The following SPG11 variants were observed in gnomAD, a reference collection of about 807,000 sequenced individuals.
SPG11 encodes the protein SPG11 vesicle trafficking associated, spatacsin, also known as spatacsin.
A neutral mutation model predicts 274.0 loss-of-function variants in SPG11; 222 were observed. That is an observed-to-expected ratio of 0.81 (90% CI 0.73 to 0.91). SPG11 has a LOEUF of 0.91. Ranked by LOEUF, SPG11 falls within the 40% of genes least tolerant of loss-of-function variation. The probability of loss-of-function intolerance (pLI) is 0.00; values close to 1 mark genes in which losing one functional copy is unlikely to be tolerated. For missense variants in SPG11, 3,114 were observed against 2,872.7 expected (o/e 1.08, Z -1.92); for synonymous variants, 1,144 against 1,039.7 (o/e 1.10, Z -1.93).
At chr15:44,567,078 A>G (rs1463756226) in intron 36 of SPG11, among the ~76,000 whole-genome samples, 1 of 149,398 alleles carries the variant, frequency 6.7e-6, no homozygotes, top group Non-Finnish European at 1.5e-5. Context: ...AGGGCCGGGC[A>G]TGGTGGCTCA....
chr15:44,604,256 T>C, intron 20 of SPG11: 1 of 354,314 alleles, frequency 2.8e-6, no homozygotes, highest in South Asian at 2.0e-5. Flanking sequence ...ACAAAGGTCT[T>C]ACCTGAAAGT....
At chr15:44,617,382 T>G (rs962701359) in intron 15 of SPG11, among the ~76,000 whole-genome samples, 1 of 152,244 alleles carries the variant, frequency 6.6e-6, no homozygotes, top group East Asian at 1.9e-4. Context: ...TACCCAGAAT[T>G]GATGTAATGT....
In SPG11 at chr15:44,595,389, G is replaced by A. The variant is rs1269737247; in HGVS notation, c.4505C>T (p.Ala1502Val). Reference sequence around the variant, plus strand: ...TGTTGAGTCCTGAATGTGTCCCATTGCTTCAGTTGCAACATTGTCCTCCAC... The same window carrying A: ...TGTTGAGTCCTGAATGTGTCCCATTACTTCAGTTGCAACATTGTCCTCCAC... ...TSVEDNVATEAMGHIQDSTED... is the reference protein window; with the variant it reads ...TSVEDNVATEVMGHIQDSTED... The change falls in exon 26 of 40, where the codon GCA (alanine) becomes GTA (valine). Residue 1502 changes from alanine (A) to valine (V), a missense_variant. Ala to Val is a moderately conservative substitution (Grantham distance 64, BLOSUM62 0). Coordinates refer to ENST00000261866, the MANE Select transcript of SPG11 (RefSeq NM_025137.4). 1.2e-6 allele frequency: 2 copies of A among 1,614,066 alleles called. No individual in the cohort carries two copies. Among genetic ancestry groups the A allele is most frequent in the Non-Finnish European group, 1.7e-6 (2 of 1,180,036 alleles).
chr15:44,567,105 A>T (rs1166664730), intron 36 of SPG11, among the ~76,000 whole-genome samples: 1 of 151,860 alleles, frequency 6.6e-6, no homozygotes, highest in Non-Finnish European at 1.5e-5. Flanking sequence ...TAATCCCAGC[A>T]CTTTGGGAGG....
intron 36 of SPG11, among the ~76,000 whole-genome samples, chr15:44,567,020 A>T (rs2082323776): frequency 6.6e-6 from 1 of 151,876 alleles, no homozygotes; most frequent in Non-Finnish European, 1.5e-5. Flanking sequence ...TCAAGATTCT[A>T]ATAGCCCATC....
In SPG11 at chr15:44,575,013, C is replaced by T; in HGVS notation, c.5895G>A (p.Val1965=). The part of the protein sequence containing the change: ...STSSLDSQKF[V]TVPSSNEVVT... ...CCACTTCATTACTGGAGGGCACTGTCACAAACTTCTGACTATCCAGACTTG... is the reference window on the plus strand; with the variant it reads ...CCACTTCATTACTGGAGGGCACTGTTACAAACTTCTGACTATCCAGACTTG... Residue 1965 remains valine, a synonymous_variant, in exon 31 of 40, where the codon GTG becomes GTA. Coordinates refer to ENST00000261866, the MANE Select transcript of SPG11 (RefSeq NM_025137.4). 1 of 1,614,064 alleles carries T rather than the reference C, an allele frequency of 6.2e-7. No homozygotes were observed. The highest frequency in any genetic ancestry group is 1.7e-5 in the Admixed American group (1 of 60,016).
chr15:44,651,151 A>C (rs895394353), intron 6 of SPG11, among the ~76,000 whole-genome samples: 3 of 152,210 alleles, frequency 2.0e-5, no homozygotes, highest in Admixed American at 6.5e-5. Flanking sequence ...GTGCAAGCCA[A>C]GCAAAATAAA....
chr15:44,572,382 G>A, intron 33 of SPG11: 1 of 383,974 alleles, frequency 2.6e-6, no homozygotes, highest in South Asian at 2.3e-5. Flanking sequence ...CTTTCCTAAG[G>A]TAAAGTTTGT....
rs1216695015 is a variant in SPG11, at chr15:44,600,484, G to C, written c.3669C>G (p.Ser1223Arg). The C allele has an allele frequency of 2.5e-6, 4 of 1,613,912 alleles. No individual in the cohort carries two copies. The East Asian group carries it at 8.9e-5, about 36-fold the overall frequency. ...GTFLVQELIK[S>R]KTPKQLIQQV... ...ATACTCACAGCTGCTTGGGAGTCTT[G>C]CTCTTGATTAATTCCTGGACCAGAA... The change falls in exon 21 of 40, where the codon AGC (serine) becomes AGG (arginine). Residue 1223 changes from serine (S) to arginine (R), a missense_variant. Ser to Arg is a moderately radical substitution (Grantham distance 110). Coordinates refer to ENST00000261866, the MANE Select transcript of SPG11 (RefSeq NM_025137.4).
intron 38 of SPG11, among the ~76,000 whole-genome samples, chr15:44,565,145 C>G (rs1456590400): frequency 6.6e-6 from 1 of 152,226 alleles, no homozygotes; most frequent in East Asian, 1.9e-4. Flanking sequence ...TGATAATCCA[C>G]TTCTTTAAAG....
At chr15:44,648,512 CAAAAAAAAAA>C (rs57643988) in intron 7 of SPG11, among the ~76,000 whole-genome samples, 11 of 54,180 alleles carry the variant, frequency 2.0e-4, no homozygotes, top group Admixed American at 4.1e-4. Context: ...CACCCTGTGT[CAAAAAAAAAA>C]AAAAAAAAAA....
chr15:44,572,664 A>G lies in SPG11; in HGVS notation c.6343+19T>C. Reference sequence around the variant, plus strand: ...CCTGTTTAGGGCCAAAATATGTAAGAAAAAGGTCAATAACTTACTGCAAGA... The same window carrying G: ...CCTGTTTAGGGCCAAAATATGTAAGGAAAAGGTCAATAACTTACTGCAAGA... On this transcript the variant is annotated intron_variant, in intron 33 of 39. Coordinates refer to ENST00000261866, the MANE Select transcript of SPG11 (RefSeq NM_025137.4). 1 of 1,613,764 alleles carries G rather than the reference A, an allele frequency of 6.2e-7. No homozygotes were observed. Among genetic ancestry groups the G allele is most frequent in the Non-Finnish European group, 8.5e-7 (1 of 1,179,822 alleles).
chr15:44,606,612 G>T (rs575410671), intron 19 of SPG11, among the ~76,000 whole-genome samples: 1 of 152,144 alleles, frequency 6.6e-6, no homozygotes, highest in Admixed American at 6.5e-5. Flanking sequence ...TCTGGCAGCA[G>T]CAAGTAGTGG....
intron 4 of SPG11, among the ~76,000 whole-genome samples, chr15:44,656,733 T>C (rs891869548): frequency 2.6e-5 from 4 of 152,176 alleles, no homozygotes; most frequent in Admixed American, 2.6e-4. Context: ...AATCATGAAC[T>C]TGGGTTCTCA....
At position 44,584,043 on chromosome 15, in the gene SPG11, G is replaced by C. The variant is rs1595842905; in HGVS notation, c.5637C>G (p.Asn1879Lys). The C allele has an allele frequency of 1.2e-6, 2 of 1,614,066 alleles. No individual in the cohort carries two copies. Among genetic ancestry groups the C allele is most frequent in the African/African-American group, 2.7e-5 (2 of 74,918 alleles). The change falls in exon 30 of 40, where the codon AAC becomes AAG. Residue 1879 changes from asparagine to lysine, a missense_variant. By Grantham distance (94) the Asn-to-Lys change is moderately conservative. Coordinates refer to ENST00000261866, the MANE Select transcript of SPG11 (RefSeq NM_025137.4). ...RLDWKEQESL[N>K]FLIGRLLDDG... is the part of the protein sequence containing the mutation. The stretch of plus-strand genomic sequence containing the variant: ...CATCCAGTAGGCGCCCAATCAAAAA[G>C]TTTAGTGACTCCTGCTCTTTCCAAT...
intron 7 of SPG11, among the ~76,000 whole-genome samples, chr15:44,646,265 AGT>A (rs2084607439): frequency 6.6e-6 from 1 of 152,162 alleles, no homozygotes; most frequent in Non-Finnish European, 1.5e-5. Context: ...TTGGCAAACT[AGT>A]GTATTAGTAG....
At position 44,662,650 on chromosome 15, in the gene SPG11, T is replaced by TAAA. The variant is rs527806518; in HGVS notation, c.257+738_257+740dup. On this transcript the variant is annotated intron_variant, in intron 1 of 39. Transcript: ENST00000261866. Reference sequence around the variant, plus strand: ...GCCTGGGCGACAGCGACCTTATCTTTAAAAAAAAAAAAAAAAAAAAAAAAG... The same window carrying TAAA: ...GCCTGGGCGACAGCGACCTTATCTTTAAAAAAAAAAAAAAAAAAAAAAAAAAAG... Among the ~76,000 whole-genome samples the TAAA allele has an allele frequency of 3.2e-3, 289 of 91,128 alleles. 3 individuals carry two copies. The highest frequency in any genetic ancestry group is 0.012 in the African/African-American group (270 of 23,384). The allele number at this position is 91,128 out of a possible 152,430, so 59.8% of individuals were successfully genotyped here.
chr15:44,651,524 T>G lies in SPG11; in HGVS notation c.1423A>C (p.Ser475Arg). The change falls in exon 6 of 40, where the codon AGT becomes CGT. Residue 475 changes from serine to arginine, a missense_variant. Transcript: ENST00000261866. ...LGTKCIPVDS[S>R]GDQQLCFVLT... ...ACAAAGCACAGCTGCTGGTCTCCAC[T>G]ACTGTCTACAGGAATACACTTTGTG... The G allele has an allele frequency of 1.9e-6, 3 of 1,614,198 alleles. No homozygotes were observed. In the South Asian group the frequency reaches 3.3e-5, roughly 18 times the overall value.
intron 8 of SPG11, among the ~76,000 whole-genome samples, chr15:44,630,300 G>T (rs898297199): frequency 2.0e-5 from 3 of 152,166 alleles, no homozygotes; most frequent in Non-Finnish European, 1.5e-5. Context: ...CCCCCTAGGG[G>T]AGCAGGTAAG....
Sources: gnomAD v4.1 joint callset for allele counts (sites outside exome capture counted in the v4.1 genomes callset) on GRCh38, gnomAD v4.1.1 for gene constraint, MANE v1.5 for transcripts, NCBI Gene and HGNC (gene_info 2026-07-23, HGNC 2026-07-21) for gene names.